The following CHCT1 variants were observed in gnomAD, a reference collection of about 807,000 sequenced individuals.
CHCT1 encodes the protein CHD1 helical C-terminal domain containing 1.
chr17:60,426,528 G>A, the CHCT1 span: 39 of 1,058,200 alleles, frequency 3.7e-5, 1 homozygote, highest in Admixed American at 8.3e-4. Context: ...GAACAACTGC[G>A]TGCAGGCGCT....
the CHCT1 span, among the ~76,000 whole-genome samples, chr17:60,425,496 T>A: frequency 1.3e-5 from 2 of 152,138 alleles, no homozygotes; most frequent in Admixed American, 6.5e-5. Context: ...CTGACAGAAT[T>A]TGCGGGAAGA....
At chr17:60,425,985 A>C in the CHCT1 span, 1 of 1,275,744 alleles carries the variant, frequency 7.8e-7, no homozygotes, top group East Asian at 2.5e-5. Context: ...GCATTGCCCC[A>C]CTTGTCTTAC....
At chr17:60,429,817 A>ATTTAT in the CHCT1 span, among the ~76,000 whole-genome samples, 3 of 150,950 alleles carry the variant, frequency 2.0e-5, no homozygotes, top group East Asian at 3.9e-4. Flanking sequence ...TTTATTATTT[A>ATTTAT]TTTATTTTAT....
the CHCT1 span, among the ~76,000 whole-genome samples, chr17:60,430,490 TA>T: frequency 2.0e-5 from 3 of 152,208 alleles, no homozygotes; most frequent in African/African-American, 7.2e-5. Context: ...TTTTTATTTT[TA>T]TTTTTTTGAG....
the CHCT1 span, chr17:60,426,114 CTCT>C: frequency 1.3e-6 from 2 of 1,534,276 alleles, no homozygotes; most frequent in Non-Finnish European, 1.8e-6. Flanking sequence ...GCCCATCTGC[CTCT>C]TCTTTTCTCC....
chr17:60,430,952 G>A, the CHCT1 span, among the ~76,000 whole-genome samples: 1 of 152,210 alleles, frequency 6.6e-6, no homozygotes, highest in Non-Finnish European at 1.5e-5. Flanking sequence ...ACTTTGGGCA[G>A]GTCATTGCTT....
the CHCT1 span, chr17:60,429,508 AG>A: frequency 6.2e-7 from 1 of 1,614,224 alleles, no homozygotes; most frequent in East Asian, 2.2e-5. Flanking sequence ...CCCCAGGTCA[AG>A]GGAGCCCCCT....
chr17:60,426,173 C>T, the CHCT1 span: 1 of 1,551,730 alleles, frequency 6.4e-7, no homozygotes, highest in Non-Finnish European at 8.7e-7. Context: ...TAAAGAATAC[C>T]TAAGACCGCT....
At chr17:60,423,225 T>C in the CHCT1 span, among the ~76,000 whole-genome samples, 11 of 151,488 alleles carry the variant, frequency 7.3e-5, no homozygotes, top group Non-Finnish European at 1.5e-5. Context: ...AGAGTCTCAC[T>C]CTGTCACCTA....
At chr17:60,426,312 C>T in the CHCT1 span, 1 of 1,551,232 alleles carries the variant, frequency 6.4e-7, no homozygotes, top group African/African-American at 1.4e-5. Context: ...TACTGCCAAG[C>T]CTGGGAAATC....
At chr17:60,422,036 C>T in the CHCT1 span, 2 of 832,286 alleles carry the variant, frequency 2.4e-6, no homozygotes, top group Admixed American at 6.2e-5. Context: ...GCACCCAGCA[C>T]GGAGGGCTTA....
chr17:60,422,486 G>T, the CHCT1 span: 1 of 1,534,488 alleles, frequency 6.5e-7, no homozygotes, highest in Non-Finnish European at 8.8e-7. Flanking sequence ...GAGTTCTGGA[G>T]CCAAACCGCC....
the CHCT1 span, chr17:60,421,380 C>G: frequency 1.0e-6 from 1 of 985,512 alleles, no homozygotes; most frequent in Non-Finnish European, 1.2e-6. Context: ...TACTTGAAGC[C>G]GCTATGCCCC....
chr17:60,430,479 T>C, the CHCT1 span, among the ~76,000 whole-genome samples: 2 of 152,150 alleles, frequency 1.3e-5, no homozygotes, highest in Non-Finnish European at 2.9e-5. Flanking sequence ...AGTTATTTTA[T>C]TTTTTATTTT....
the CHCT1 span, chr17:60,426,472 G>T: frequency 8.9e-7 from 1 of 1,119,174 alleles, no homozygotes; most frequent in Non-Finnish European, 1.2e-6. Flanking sequence ...GATGGAGAGA[G>T]CTCCTAGTCA....
the CHCT1 span, chr17:60,422,359 C>G: frequency 6.4e-6 from 7 of 1,096,720 alleles, no homozygotes; most frequent in Non-Finnish European, 7.4e-6. Flanking sequence ...CATCTTGCTC[C>G]GTTCCCTAGT....
At chr17:60,425,808 C>A in the CHCT1 span, 1 of 1,551,652 alleles carries the variant, frequency 6.4e-7, no homozygotes, top group South Asian at 1.2e-5. Flanking sequence ...TGCCTGGAGA[C>A]AAGCTCCAGC....
chr17:60,430,126 T>C, the CHCT1 span, among the ~76,000 whole-genome samples: 645 of 110,166 alleles, frequency 5.9e-3, 55 homozygotes, highest in African/African-American at 0.043. Context: ...ACCTGGCTTT[T>C]TTTTTTTTTT....
chr17:60,424,605 C>G, the CHCT1 span, among the ~76,000 whole-genome samples: 19 of 152,208 alleles, frequency 1.2e-4, no homozygotes, highest in Admixed American at 1.2e-3. Context: ...TCCGTAGACC[C>G]TGGGTGCGGT....
Sources: allele counts gnomAD v4.1 joint callset (sites outside exome capture counted in the v4.1 genomes callset), GRCh38; gene constraint gnomAD v4.1.1; transcripts MANE v1.5; gene names NCBI Gene and HGNC (gene_info 2026-07-23, HGNC 2026-07-21).